OCLN: variants seen among roughly 807,000 people sequenced by gnomAD.
The protein encoded by OCLN is phosphatase 1, regulatory subunit 115.
OCLN carries 21 observed loss-of-function variants against 47.9 expected under a neutral mutation model. The observed-to-expected ratio is 0.44, with a 90% confidence interval of 0.31 to 0.63. OCLN has a LOEUF of 0.63. Among genes scored for constraint, OCLN ranks in the 30% least tolerant of loss-of-function variants. The probability of loss-of-function intolerance (pLI) is 0.08; values close to 1 mark genes in which losing one functional copy is unlikely to be tolerated. For synonymous variants in OCLN, 117 were observed against 198.4 expected, an observed-to-expected ratio of 0.59 and a Z score of 3.45; for missense variants, 360 against 571.0, an observed-to-expected ratio of 0.63 and a Z score of 3.77.
At chr5:69,530,673 T>C (rs1181797448) in intron 4 of OCLN, 1 of 152,252 alleles carries the variant, frequency 6.6e-6, no homozygotes, top group African/African-American at 2.4e-5. Flanking sequence ...ATGCTAATCT[T>C]TCCTGTATTG....
At chr5:69,535,768 G>A (rs1416534587) in intron 5 of OCLN, among the ~76,000 whole-genome samples, 24 of 150,074 alleles carry the variant, frequency 1.6e-4, no homozygotes, top group Middle Eastern at 3.4e-3. Flanking sequence ...TCTAGGCAGC[G>A]GTAATACAGT....
At chr5:69,497,134 T>C (rs1419396712) in intron 1 of OCLN, among the ~76,000 whole-genome samples, 2 of 152,160 alleles carry the variant, frequency 1.3e-5, no homozygotes, top group Admixed American at 1.3e-4. Context: ...TTGCATAAAT[T>C]GCATGAGCTC....
At chr5:69,537,119 A>G (rs1769610673) in intron 5 of OCLN, among the ~76,000 whole-genome samples, 1 of 151,212 alleles carries the variant, frequency 6.6e-6, no homozygotes, top group Non-Finnish European at 1.5e-5. Context: ...AATAAAAGAA[A>G]AGCCAAAAAT....
rs920743479 is a variant in OCLN, at chr5:69,555,519, T to G, written c.*1848T>G. 1 of 151,910 alleles carries G rather than the reference T, an allele frequency of 6.6e-6. No homozygotes were observed. The highest frequency in any genetic ancestry group is 1.5e-5 in the Non-Finnish European group (1 of 67,990). The allele number at this position is 151,910 out of a possible 1,614,324, so 9.4% of individuals were successfully genotyped here. ...CCTGACCTCAGGTGATCCATCCACC[T>G]CGGCCTCCCAAAGTGCTGGGATTAG... On this transcript the variant is annotated 3_prime_UTR_variant, in exon 9 of 9. Coordinates refer to ENST00000396442, the MANE Select transcript of OCLN (RefSeq NM_001205254.2).
intron 4 of OCLN, among the ~76,000 whole-genome samples, chr5:69,532,089 C>T (rs999106940): frequency 3.3e-5 from 5 of 152,084 alleles, no homozygotes; most frequent in African/African-American, 1.2e-4. Context: ...TACCTTGTCA[C>T]CTCATTTAAT....
intron 3 of OCLN, among the ~76,000 whole-genome samples, chr5:69,512,253 A>G (rs1205087538): frequency 6.6e-6 from 1 of 152,156 alleles, no homozygotes; most frequent in African/African-American, 2.4e-5. Flanking sequence ...GATGGAAGCA[A>G]GGGTTCTGAA....
intron 4 of OCLN, among the ~76,000 whole-genome samples, chr5:69,532,524 A>G (rs1769460532): frequency 6.6e-6 from 1 of 152,180 alleles, no homozygotes; most frequent in African/African-American, 2.4e-5. Flanking sequence ...CCTTTGCCTT[A>G]AAACAACTAA....
intron 1 of OCLN, among the ~76,000 whole-genome samples, chr5:69,500,315 A>C (rs1450803851): frequency 6.6e-6 from 1 of 152,184 alleles, no homozygotes; most frequent in Non-Finnish European, 1.5e-5. Context: ...ATAATAAAGG[A>C]GAAAATAAAA....
At chr5:69,549,206 T>G (rs1580595996) in intron 7 of OCLN, among the ~76,000 whole-genome samples, 1 of 123,910 alleles carries the variant, frequency 8.1e-6, no homozygotes, top group African/African-American at 3.0e-5. Context: ...CCAGGTATGG[T>G]GGCGGGTACT....
chr5:69,510,659 G>C (rs1338177388), intron 3 of OCLN, among the ~76,000 whole-genome samples: 1 of 152,120 alleles, frequency 6.6e-6, no homozygotes, highest in African/African-American at 2.4e-5. Context: ...ACTCCAGCCT[G>C]AGCGACAGAG....
intron 4 of OCLN, among the ~76,000 whole-genome samples, chr5:69,517,677 T>C (rs1410547880): frequency 6.6e-6 from 1 of 152,168 alleles, no homozygotes; most frequent in Non-Finnish European, 1.5e-5. Context: ...AATTTTTTTC[T>C]GGTTAATTAA....
intron 1 of OCLN, among the ~76,000 whole-genome samples, chr5:69,503,814 G>A (rs925285776): frequency 1.3e-5 from 2 of 152,084 alleles, no homozygotes; most frequent in African/African-American, 4.8e-5. Context: ...CCATTAGATG[G>A]TTACTTTGCA....
rs1580573765 is a variant in OCLN, at chr5:69,523,952, C to G, written c.891+9843C>G. On this transcript the variant is annotated intron_variant, in intron 4 of 8. Transcript: ENST00000396442. ...TCAGTTGAGGTCAGGAGTTTGAGAC[C>G]ATCCTGGCCAACATGGTGAAACCCT... is the stretch of plus-strand genomic sequence containing the variant. 2.0e-5 allele frequency among the ~76,000 whole-genome samples: 3 copies of G among 152,074 alleles called. No homozygotes were observed. In the South Asian group the frequency reaches 6.2e-4, roughly 31 times the overall value.
chr5:69,548,671 T>C (rs1179513154), intron 7 of OCLN, among the ~76,000 whole-genome samples: 1 of 150,368 alleles, frequency 6.7e-6, no homozygotes, highest in Non-Finnish European at 1.5e-5. Context: ...TAAAATAAAA[T>C]AGCCAGGCTG....
intron 4 of OCLN, among the ~76,000 whole-genome samples, chr5:69,515,712 C>T (rs1334016433): frequency 1.0e-4 from 15 of 149,710 alleles, no homozygotes; most frequent in African/African-American, 3.7e-4. Flanking sequence ...GAGTGGCTGC[C>T]GGGCGGAGGG....
intron 4 of OCLN, among the ~76,000 whole-genome samples, chr5:69,517,885 C>G (rs1295729126): frequency 6.6e-6 from 1 of 152,070 alleles, no homozygotes; most frequent in Non-Finnish European, 1.5e-5. Context: ...TGGAATAGGA[C>G]AGGTCTATAT....
At chr5:69,501,268 C>T (rs1374262555) in intron 1 of OCLN, among the ~76,000 whole-genome samples, 1 of 152,110 alleles carries the variant, frequency 6.6e-6, no homozygotes, top group Non-Finnish European at 1.5e-5. Context: ...GGACTTTTGC[C>T]TTTTTATAGT....
At chr5:69,517,374 A>G (rs1172974533) in intron 4 of OCLN, among the ~76,000 whole-genome samples, 1 of 150,092 alleles carries the variant, frequency 6.7e-6, no homozygotes, top group African/African-American at 2.5e-5. Flanking sequence ...ACAGTGGTGC[A>G]ATATTGGCTC....
At chr5:69,520,497 C>T (rs1327510974) in intron 4 of OCLN, among the ~76,000 whole-genome samples, 5 of 149,388 alleles carry the variant, frequency 3.3e-5, no homozygotes, top group Non-Finnish European at 5.9e-5. Context: ...GACGGGGTTT[C>T]ACCATCTTGG....
Sources: gnomAD v4.1 joint callset for allele counts (sites outside exome capture counted in the v4.1 genomes callset) on GRCh38, gnomAD v4.1.1 for gene constraint, MANE v1.5 for transcripts, NCBI Gene and HGNC (gene_info 2026-07-23, HGNC 2026-07-21) for gene names.